The following RAB38 variants were observed in gnomAD, a reference collection of about 807,000 sequenced individuals.
The protein encoded by RAB38 is RAB38, member RAS oncogene family, also known as ras-related protein Rab-38.
RAB38 carries 15 observed loss-of-function variants against 18.4 expected under a neutral mutation model. The observed-to-expected ratio is 0.82, with a 90% CI of 0.55 to 1.26. The LOEUF (loss-of-function observed/expected upper bound fraction) is 1.26. Among genes scored for constraint, RAB38 ranks in the 50% most tolerant of loss-of-function variants. RAB38 has a pLI of 0.00. For synonymous variants in RAB38, 101 were observed against 104.4 expected, an observed-to-expected ratio of 0.97 and a Z score of 0.20; for missense variants, 294 against 267.4, an observed-to-expected ratio of 1.10 and a Z score of -0.69.
the RAB38 span, among the ~76,000 whole-genome samples, chr11:87,962,848 G>A: frequency 5.9e-5 from 9 of 152,116 alleles, no homozygotes; most frequent in East Asian, 3.8e-4. Flanking sequence ...AGTGATGGAC[G>A]TATTAACTAG....
chr11:88,116,155 G>T (rs1942549068), intron 2 of RAB38, among the ~76,000 whole-genome samples: 8 of 152,170 alleles, frequency 5.3e-5, no homozygotes. Flanking sequence ...CCTAGGCAGG[G>T]CCTTGCTTTT....
the RAB38 span, among the ~76,000 whole-genome samples, chr11:88,033,928 C>T: frequency 2.6e-5 from 4 of 151,906 alleles, no homozygotes; most frequent in African/African-American, 4.8e-5. Context: ...AGAGTTTCAA[C>T]GTGTTAGCCA....
At chr11:87,810,942 C>G in the RAB38 span, among the ~76,000 whole-genome samples, 1 of 151,934 alleles carries the variant, frequency 6.6e-6, no homozygotes, top group Non-Finnish European at 1.5e-5. Context: ...GAGTTTCAGA[C>G]CAGGAGTGGA....
chr11:87,956,354 AAC>A, the RAB38 span, among the ~76,000 whole-genome samples: 1 of 150,006 alleles, frequency 6.7e-6, no homozygotes, highest in Non-Finnish European at 1.5e-5. Flanking sequence ...TTGTGAGAAG[AAC>A]AAAAATATCC....
chr11:87,955,834 G>A, the RAB38 span, among the ~76,000 whole-genome samples: 4 of 151,360 alleles, frequency 2.6e-5, no homozygotes, highest in Non-Finnish European at 5.9e-5. Context: ...TAACTCATTA[G>A]TGAGTGATAA....
chr11:87,913,580 T>C, the RAB38 span, among the ~76,000 whole-genome samples: 4 of 152,222 alleles, frequency 2.6e-5, no homozygotes, highest in South Asian at 2.1e-4. Flanking sequence ...AAAAGTCACA[T>C]TGAAATTTGA....
At chr11:87,814,382 A>C in the RAB38 span, among the ~76,000 whole-genome samples, 1 of 152,228 alleles carries the variant, frequency 6.6e-6, no homozygotes, top group African/African-American at 2.4e-5. Flanking sequence ...GCTGATCAAG[A>C]GATTTTCAGT....
chr11:87,874,075 G>T, the RAB38 span, among the ~76,000 whole-genome samples: 1 of 150,076 alleles, frequency 6.7e-6, no homozygotes. Context: ...AGTCCAATTC[G>T]ACAATATTCT....
At chr11:87,841,774 G>T in the RAB38 span, among the ~76,000 whole-genome samples, 1 of 152,158 alleles carries the variant, frequency 6.6e-6, no homozygotes, top group Non-Finnish European at 1.5e-5. Context: ...ATAAAAAGGG[G>T]TGCTAACTGA....
the RAB38 span, among the ~76,000 whole-genome samples, chr11:87,974,751 G>A: frequency 2.7e-5 from 4 of 150,058 alleles, no homozygotes; most frequent in Non-Finnish European, 5.9e-5. Flanking sequence ...TATACAGAGG[G>A]ATTATTATAT....
chr11:88,034,533 A>G, the RAB38 span, among the ~76,000 whole-genome samples: 3 of 152,226 alleles, frequency 2.0e-5, no homozygotes, highest in Non-Finnish European at 4.4e-5. Context: ...AACAAATTTT[A>G]TCCATTATGA....
At chr11:87,977,747 TAA>T in the RAB38 span, among the ~76,000 whole-genome samples, 26,171 of 61,762 alleles carry the variant, frequency 0.42, 3,823 homozygotes, top group East Asian at 0.49. Flanking sequence ...ATATATTCTA[TAA>T]TATATATATA....
At chr11:88,071,992 A>G in the RAB38 span, among the ~76,000 whole-genome samples, 7 of 152,342 alleles carry the variant, frequency 4.6e-5, no homozygotes, top group Non-Finnish European at 1.0e-4. Flanking sequence ...CAATTTACCT[A>G]CAAGTCTACC....
At chr11:88,069,816 T>G in the RAB38 span, among the ~76,000 whole-genome samples, 11 of 138,960 alleles carry the variant, frequency 7.9e-5, no homozygotes, top group African/African-American at 3.1e-4. Flanking sequence ...CACCCATCAG[T>G]GCTCTGTGTC....
At chr11:87,934,716 T>G in the RAB38 span, among the ~76,000 whole-genome samples, 2 of 152,066 alleles carry the variant, frequency 1.3e-5, no homozygotes, top group East Asian at 1.9e-4. Flanking sequence ...ATTATTTATA[T>G]GAGTATAATA....
chr11:87,827,494 C>A, the RAB38 span, among the ~76,000 whole-genome samples: 2 of 152,002 alleles, frequency 1.3e-5, no homozygotes, highest in African/African-American at 2.4e-5. Flanking sequence ...TAATGCATAA[C>A]CATAGTAACA....
the RAB38 span, among the ~76,000 whole-genome samples, chr11:87,916,519 T>C: frequency 6.6e-6 from 1 of 152,238 alleles, no homozygotes; most frequent in South Asian, 2.1e-4. Flanking sequence ...TTTGACCTCC[T>C]CTGCCATGGC....
the RAB38 span, among the ~76,000 whole-genome samples, chr11:88,039,280 T>C: frequency 6.6e-6 from 1 of 152,112 alleles, no homozygotes; most frequent in East Asian, 1.9e-4. Flanking sequence ...ATCATGTGAG[T>C]CTTTTTTGTA....
chr11:88,012,643 T>C, the RAB38 span, among the ~76,000 whole-genome samples: 4 of 152,074 alleles, frequency 2.6e-5, no homozygotes, highest in Non-Finnish European at 4.4e-5. Flanking sequence ...ACACAGAAAT[T>C]ACATGCTCAG....
Sources: allele counts gnomAD v4.1 joint callset (sites outside exome capture counted in the v4.1 genomes callset), GRCh38; gene constraint gnomAD v4.1.1; transcripts MANE v1.5; gene names NCBI Gene and HGNC (gene_info 2026-07-23, HGNC 2026-07-21).